The following ALG13 variants were observed in gnomAD, a reference collection of about 807,000 sequenced individuals.
ALG13 encodes the protein UDP-N-acetylglucosamine transferase subunit ALG13.
In ALG13, 11 loss-of-function variants were observed where a neutral mutation model predicts 87.8. That is an observed-to-expected ratio of 0.13 (90% CI 0.08 to 0.21). The LOEUF is 0.21. Ranked by LOEUF, ALG13 falls within the 10% of genes least tolerant of loss-of-function variation. The probability of loss-of-function intolerance (pLI) is 1.00; values close to 1 mark genes in which losing one functional copy is unlikely to be tolerated. For missense variants in ALG13, 756 were observed against 866.1 expected, an observed-to-expected ratio of 0.87 and a Z score of 1.60; for synonymous variants, 320 against 306.3, an observed-to-expected ratio of 1.04 and a Z score of -0.47.
intron 14 of ALG13, 112 bp downstream of exon 14, chrX:111,724,010 A>G (rs999822979): frequency 3.8e-5 from 18 of 474,233 alleles, no homozygotes; most frequent in Non-Finnish European, 5.3e-5. Context: ...AATTGTATCT[A>G]CTGTTGGCCT....
chrX:111,725,043 G>A lies in ALG13; in HGVS notation c.1711G>A (p.Gly571Ser). ...KGRGYQKMPG[G>S]YVPEIVISEM... Reference sequence around the variant, plus strand: ...AAGAGGTTACCAGAAAATGCCTGGGGGTTATGTCCCGGAAATAGGTTTGTA... The same window carrying A: ...AAGAGGTTACCAGAAAATGCCTGGGAGTTATGTCCCGGAAATAGGTTTGTA... Residue 571 changes from glycine (G) to serine (S), a missense_variant, in exon 15 of 27, where the codon GGT becomes AGT. Around this residue, in one of 9 missense-constraint regions of ALG13, gnomAD observed 362 missense variants for 383.5 expected, o/e 0.94. Transcript: ENST00000394780. 6.6e-6 allele frequency: 8 copies of A among 1,210,757 alleles called. No individual in the cohort carries two copies. The highest frequency in any genetic ancestry group is 8.9e-6 in the Non-Finnish European group (8 of 894,988).
At chrX:111,712,374 A>G in intron 6 of ALG13, 110 bp from the exon 7 acceptor site, 1 of 427,509 alleles carries the variant, frequency 2.3e-6, no homozygotes, top group Non-Finnish European at 4.1e-6. Context: ...TGTGTTCTAC[A>G]AATTCTTCAT....
At chrX:111,726,346 G>A (rs1439457361) in intron 15 of ALG13, among the ~76,000 whole-genome samples, 1 of 103,950 alleles carries the variant, frequency 9.6e-6, no homozygotes, top group African/African-American at 3.6e-5. Context: ...CAATTCTCCT[G>A]CCTCAGCCTT....
rs753756636 is a variant in ALG13 at position 111,690,326 on chromosome X, A to T, written c.383+5223A>T. ...GGGATAAGGAAATGAAAGAGAGTTT[A>T]GCATTGGGAAATTTGCACCATGGAT... On this transcript the variant is annotated intron_variant, in intron 3 of 26. Coordinates refer to ENST00000394780, the MANE Select transcript of ALG13 (RefSeq NM_001099922.3). 8.0e-6 allele frequency: 6 copies of T among 749,752 alleles called. No homozygotes were observed. In the African/African-American group the frequency reaches 1.2e-4, roughly 14 times the overall value. 61.8% of individuals were successfully genotyped at this position (749,752 alleles called of 1,213,427 possible). A position where few individuals can be genotyped will look rare whatever the true frequency, so the allele number is the denominator to read the frequency against.
At chrX:111,686,148 G>T in intron 3 of ALG13, 1 of 1,120,695 alleles carries the variant, frequency 8.9e-7, no homozygotes, top group Non-Finnish European at 1.2e-6. Context: ...TCTTCCTTGA[G>T]ACACTAGAAG....
At position 111,689,698 on chromosome X, in the gene ALG13, G is replaced by A. The variant is rs983571054; in HGVS notation, c.383+4595G>A. The A allele has an allele frequency of 7.0e-6, 5 of 709,420 alleles. No homozygotes were observed. In the African/African-American group the frequency reaches 1.2e-4, roughly 17 times the overall value. The allele number at this position is 709,420 out of a possible 1,213,427, so 58.5% of individuals were successfully genotyped here. On this transcript the variant is annotated intron_variant, in intron 3 of 26. Coordinates refer to ENST00000394780, the MANE Select transcript of ALG13 (RefSeq NM_001099922.3). ...CCATCATATTCAGATTTTACCATTT[G>A]CTTAAAGTATAGCTTTTGGCAGAAC...
chrX:111,751,232 C>A (rs913608254), intron 24 of ALG13, among the ~76,000 whole-genome samples: 4 of 109,544 alleles, frequency 3.7e-5, no homozygotes, highest in Non-Finnish European at 7.6e-5. Context: ...CCACACCTGG[C>A]TAATTTTTGT....
chrX:111,760,066 T>C lies in ALG13; in HGVS notation c.*67T>C. ...CTGTTTTTGTTTTTAAAAAGTATTT[T>C]ATGTTAGTGGTTAAATGATTTAGGT... On this transcript the variant is annotated 3_prime_UTR_variant, in exon 27 of 27. Transcript: ENST00000394780. 9.5e-7 allele frequency: 1 copy of C among 1,054,182 alleles called. No homozygotes were observed. Among genetic ancestry groups the C allele is most frequent in the Non-Finnish European group, 1.3e-6 (1 of 781,201 alleles). 86.9% of individuals were successfully genotyped at this position (1,054,182 alleles called of 1,213,427 possible). A position where few individuals can be genotyped will look rare whatever the true frequency, so the allele number is the denominator to read the frequency against.
At chrX:111,686,372 C>G (rs1013822122) in intron 3 of ALG13, among the ~76,000 whole-genome samples, 6 of 112,182 alleles carry the variant, frequency 5.3e-5, no homozygotes, top group African/African-American at 1.9e-4. Flanking sequence ...CTGCTTCTGT[C>G]TCTTAGGCAC....
chrX:111,730,589 TTAA>T lies in ALG13; in HGVS notation c.2457+15_2457+17del, dbSNP rs761459857. The T allele has an allele frequency of 1.6e-4, 188 of 1,157,853 alleles. No individual in the cohort carries two copies. Among genetic ancestry groups the T allele is most frequent in the South Asian group, 4.9e-4 (26 of 52,736 alleles). On this transcript the variant is annotated intron_variant, in intron 21 of 26. Coordinates refer to ENST00000394780, the MANE Select transcript of ALG13 (RefSeq NM_001099922.3). Reference sequence around the variant, plus strand: ...CATCTACAGCAAACTTGGTAGGTATTTAATAATAGCAAAGAGTTATAGCTCCTA... The same window carrying T: ...CATCTACAGCAAACTTGGTAGGTATTTAATAGCAAAGAGTTATAGCTCCTA...
intron 24 of ALG13, among the ~76,000 whole-genome samples, chrX:111,750,047 C>CT (rs1237889105): frequency 1.8e-5 from 2 of 111,828 alleles, no homozygotes; most frequent in Non-Finnish European, 3.8e-5. Flanking sequence ...GCATTTATGA[C>CT]TTTCCACAAT....
At chrX:111,681,920 G>A (rs1372823317) in intron 1 of ALG13, 3 of 899,885 alleles carry the variant, frequency 3.3e-6, no homozygotes, top group Non-Finnish European at 4.2e-6. Context: ...GACTCTGCGA[G>A]CTGGGTCGCT....
At chrX:111,710,027 C>CTT (rs368461015) in intron 5 of ALG13, among the ~76,000 whole-genome samples, 1 of 102,151 alleles carries the variant, frequency 9.8e-6, no homozygotes, top group East Asian at 3.0e-4. Flanking sequence ...CCCGAGATTT[C>CTT]TTTTTTTTTT....
At chrX:111,735,327 G>A (rs1569520837) in intron 22 of ALG13, among the ~76,000 whole-genome samples, 1 of 112,072 alleles carries the variant, frequency 8.9e-6, no homozygotes, top group Non-Finnish European at 1.9e-5. Flanking sequence ...ACTGTTCTAT[G>A]TGCTGGCTTT....
chrX:111,700,025 C>T (rs1190763675), intron 3 of ALG13, among the ~76,000 whole-genome samples: 1 of 93,149 alleles, frequency 1.1e-5, no homozygotes, highest in Non-Finnish European at 2.1e-5. Flanking sequence ...GATATTGTTC[C>T]GTTTATTTGT....
At chrX:111,683,483 C>T (rs765147520) in intron 2 of ALG13, among the ~76,000 whole-genome samples, 28 of 108,611 alleles carry the variant, frequency 2.6e-4, no homozygotes, top group Non-Finnish European at 5.3e-4. Context: ...GTGCACACTA[C>T]CACGCCCCGG....
chrX:111,690,448 G>A (rs1481711562), intron 3 of ALG13: 1 of 697,944 alleles, frequency 1.4e-6, no homozygotes, highest in African/African-American at 2.4e-5. Flanking sequence ...AAGGATTTTA[G>A]ATACTTATAA....
chrX:111,727,865 A>T, intron 18 of ALG13, 95 bp downstream of exon 18: 1 of 920,760 alleles, frequency 1.1e-6, no homozygotes, highest in South Asian at 2.8e-5. Context: ...GATTTTGTAC[A>T]AATAACCAAA....
intron 3 of ALG13, among the ~76,000 whole-genome samples, chrX:111,691,112 T>C (rs1234240825): frequency 9.0e-6 from 1 of 110,986 alleles, no homozygotes; most frequent in Non-Finnish European, 1.9e-5. Flanking sequence ...ATTTATTTAT[T>C]TATTTTGAGA....
Sources: gnomAD v4.1 joint callset for allele counts (sites outside exome capture counted in the v4.1 genomes callset) on GRCh38, gnomAD v4.1.1 for gene constraint, gnomAD v4.1.1 regional missense constraint, MANE v1.5 for transcripts, NCBI Gene and HGNC (gene_info 2026-07-23, HGNC 2026-07-21) for gene names.